Variants in TTC28 observed in about 807,000 individuals in gnomAD.
TTC28 encodes tetratricopeptide repeat protein 28.
In TTC28, 61 loss-of-function variants were observed where a neutral mutation model predicts 198.0. The ratio of observed to expected loss-of-function variants is 0.31; its 90% confidence interval spans 0.25 to 0.38. TTC28 has a LOEUF of 0.38. Among genes scored for constraint, TTC28 ranks in the 10% least tolerant of loss-of-function variants. The pLI, the probability that TTC28 is intolerant of heterozygous loss-of-function variation, is 1.00. For synonymous variants in TTC28, 1,171 were observed against 1,297.8 expected (o/e 0.90, Z 2.10); for missense variants, 2,678 against 3,164.0 (o/e 0.85, Z 3.69).
chr22:28,353,755 C>T (rs879328411), intron 2 of TTC28, among the ~76,000 whole-genome samples: 4 of 152,024 alleles, frequency 2.6e-5, no homozygotes, highest in Admixed American at 6.6e-5. Context: ...CAGAATGGGA[C>T]AAAATATTTG....
chr22:28,491,317 C>A (rs1204361056), intron 2 of TTC28, among the ~76,000 whole-genome samples: 1 of 152,156 alleles, frequency 6.6e-6, no homozygotes, highest in Non-Finnish European at 1.5e-5. Context: ...TCAGAGTGAA[C>A]AGGCAACCTA....
chr22:28,227,233 A>G (rs1338279637), intron 5 of TTC28, among the ~76,000 whole-genome samples: 1 of 152,198 alleles, frequency 6.6e-6, no homozygotes, highest in Non-Finnish European at 1.5e-5. Flanking sequence ...ATACATAAAA[A>G]TCAACTCAAA....
intron 2 of TTC28, among the ~76,000 whole-genome samples, chr22:28,411,692 G>A (rs1425227190): frequency 1.3e-5 from 2 of 152,092 alleles, no homozygotes; most frequent in East Asian, 3.8e-4. Context: ...TGGTTGCATA[G>A]GCAGTGAAAA....
At chr22:28,032,370 G>A (rs931172879) in intron 12 of TTC28, among the ~76,000 whole-genome samples, 2 of 148,920 alleles carry the variant, frequency 1.3e-5, no homozygotes, top group African/African-American at 5.0e-5. Context: ...AAAACATCTA[G>A]TAATTATCTC....
intron 2 of TTC28, among the ~76,000 whole-genome samples, chr22:28,602,366 G>A (rs1569052580): frequency 6.6e-6 from 1 of 152,078 alleles, no homozygotes; most frequent in Non-Finnish European, 1.5e-5. Context: ...GAAGTGACTG[G>A]AGCAATCATT....
At chr22:28,362,730 C>T (rs1487500684) in intron 2 of TTC28, among the ~76,000 whole-genome samples, 4 of 152,052 alleles carry the variant, frequency 2.6e-5, no homozygotes, top group African/African-American at 9.7e-5. Flanking sequence ...GGAACTGGAG[C>T]AAAAATGACT....
chr22:28,349,618 C>G (rs1323141934), intron 2 of TTC28, among the ~76,000 whole-genome samples: 1 of 152,202 alleles, frequency 6.6e-6, no homozygotes, highest in Non-Finnish European at 1.5e-5. Flanking sequence ...AGGCAAGTCA[C>G]AACCTCTCTG....
chr22:28,490,059 A>C (rs1439399233), intron 2 of TTC28, among the ~76,000 whole-genome samples: 2 of 152,094 alleles, frequency 1.3e-5, no homozygotes, highest in Non-Finnish European at 2.9e-5. Context: ...TAGTCTTTTC[A>C]CGTTTTTCTG....
chr22:28,485,533 G>C lies in TTC28; in HGVS notation c.381+144019C>G, dbSNP rs1156790804. ...CAATTCTCCATGCCCTCACCAGCAT[G>C]ATTAAAAAAATTTTACACAGCATTG... On this transcript the variant is annotated intron_variant, in intron 2 of 22. Transcript: ENST00000397906. Among the ~76,000 whole-genome samples, 3 of 152,002 alleles carry C rather than the reference G, an allele frequency of 2.0e-5. No individual in the cohort carries two copies. The East Asian group carries it at 5.8e-4, about 29-fold the overall frequency.
intron 2 of TTC28, among the ~76,000 whole-genome samples, chr22:28,434,422 G>A (rs1188567486): frequency 2.0e-5 from 3 of 152,266 alleles, no homozygotes; most frequent in African/African-American, 7.2e-5. Context: ...GGTAGCTCAT[G>A]CCTGTAATCC....
At chr22:28,533,179 T>G (rs1190501144) in intron 2 of TTC28, among the ~76,000 whole-genome samples, 10 of 152,044 alleles carry the variant, frequency 6.6e-5, no homozygotes, top group Non-Finnish European at 1.3e-4. Flanking sequence ...GCCCAAAATC[T>G]CCTTAAGCCG....
chr22:28,616,788 A>T (rs1410192105), intron 2 of TTC28, among the ~76,000 whole-genome samples: 2 of 151,982 alleles, frequency 1.3e-5, no homozygotes, highest in Non-Finnish European at 2.9e-5. Flanking sequence ...TAGAGGCTGC[A>T]GTGGGCTGTG....
chr22:28,561,950 C>T (rs767554239), intron 2 of TTC28, among the ~76,000 whole-genome samples: 2 of 152,000 alleles, frequency 1.3e-5, no homozygotes, highest in East Asian at 3.9e-4. Flanking sequence ...AATACATATT[C>T]CTTGAAGGCA....
intron 6 of TTC28, among the ~76,000 whole-genome samples, chr22:28,160,306 A>T (rs1422102869): frequency 1.3e-5 from 2 of 152,260 alleles, no homozygotes; most frequent in African/African-American, 4.8e-5. Context: ...CCTGTATCAA[A>T]ATATCTCAAG....
intron 2 of TTC28, among the ~76,000 whole-genome samples, chr22:28,466,431 A>G (rs2048021530): frequency 6.6e-6 from 1 of 152,214 alleles, no homozygotes; most frequent in African/African-American, 2.4e-5. Context: ...TATTGCAGGT[A>G]CAGACAGCAA....
At chr22:28,187,342 C>G (rs1403196407) in intron 5 of TTC28, among the ~76,000 whole-genome samples, 1 of 152,138 alleles carries the variant, frequency 6.6e-6, no homozygotes, top group South Asian at 2.1e-4. Flanking sequence ...ATTTGAATTT[C>G]ATTTAAAAAA....
intron 2 of TTC28, among the ~76,000 whole-genome samples, chr22:28,377,319 A>G (rs900694013): frequency 2.3e-4 from 35 of 150,200 alleles, no homozygotes; most frequent in African/African-American, 8.5e-4. Flanking sequence ...GGGCTCAAGC[A>G]ATCCTCCTAC....
At chr22:28,469,204 A>C (rs918185638) in intron 2 of TTC28, among the ~76,000 whole-genome samples, 16 of 152,176 alleles carry the variant, frequency 1.1e-4, no homozygotes, top group African/African-American at 3.9e-4. Context: ...ATAATCAACC[A>C]TCTTGTTAGT....
intron 5 of TTC28, among the ~76,000 whole-genome samples, chr22:28,234,251 A>G (rs1265899640): frequency 2.0e-5 from 3 of 152,050 alleles, no homozygotes; most frequent in African/African-American, 7.2e-5. Flanking sequence ...TGTGTTGCCC[A>G]GGCTGGTCTC....
Sources: allele counts gnomAD v4.1 joint callset (sites outside exome capture counted in the v4.1 genomes callset), GRCh38; gene constraint gnomAD v4.1.1; transcripts MANE v1.5; gene names NCBI Gene and HGNC (gene_info 2026-07-23, HGNC 2026-07-21).